Variants in LARP1B observed in about 807,000 individuals in gnomAD.
LARP1B encodes the protein la-related protein 1B.
A neutral mutation model predicts 114.2 loss-of-function variants in LARP1B; 76 were observed. That is an observed-to-expected ratio of 0.67 (90% CI 0.55 to 0.81). The LOEUF (loss-of-function observed/expected upper bound fraction) is 0.81, where lower values mean the gene tolerates loss of function less well. LARP1B is among the 30% of genes least tolerant of loss of function. The pLI is 0.00. For synonymous variants in LARP1B, 345 were observed against 348.0 expected (o/e 0.99, Z 0.10); for missense variants, 1,014 against 1,075.8 (o/e 0.94, Z 0.80).
chr4:128,167,058 A>G (rs1015257408), intron 12 of LARP1B, among the ~76,000 whole-genome samples: 2 of 150,950 alleles, frequency 1.3e-5, no homozygotes, highest in Admixed American at 1.3e-4. Context: ...ACACACACAC[A>G]CATATACACA....
At chr4:128,135,712 TA>T (rs1793147729) in intron 11 of LARP1B, among the ~76,000 whole-genome samples, 1 of 152,156 alleles carries the variant, frequency 6.6e-6, no homozygotes, top group Non-Finnish European at 1.5e-5. Flanking sequence ...GATAGCTAAC[TA>T]AAGTGGTGAA....
intron 1 of LARP1B, among the ~76,000 whole-genome samples, chr4:128,074,235 C>T (rs906833602): frequency 3.3e-5 from 5 of 152,122 alleles, no homozygotes; most frequent in East Asian, 1.9e-4. Context: ...CCACCCCGCC[C>T]GGCAACACTG....
At chr4:128,221,439 T>G (rs914290628) in intron 7 of LARP1B, among the ~76,000 whole-genome samples, 1 of 152,336 alleles carries the variant, frequency 6.6e-6, no homozygotes, top group African/African-American at 2.4e-5. Context: ...TTCTTTACAA[T>G]AAGCCTGTTT....
At chr4:128,094,352 T>C (rs1282419061) in intron 7 of LARP1B, among the ~76,000 whole-genome samples, 1 of 151,962 alleles carries the variant, frequency 6.6e-6, no homozygotes, top group African/African-American at 2.4e-5. Context: ...AGCACTCTGA[T>C]AGATTTGTAG....
chr4:128,074,297 G>A (rs1455988973), intron 1 of LARP1B, among the ~76,000 whole-genome samples, 163 bp from the exon 2 acceptor site: 1 of 152,136 alleles, frequency 6.6e-6, no homozygotes, highest in African/African-American at 2.4e-5. Flanking sequence ...TTGAATCTAT[G>A]TGTCAAATGG....
At chr4:128,095,722 G>A (rs561438661) in intron 7 of LARP1B, among the ~76,000 whole-genome samples, 2 of 151,868 alleles carry the variant, frequency 1.3e-5, no homozygotes, top group Admixed American at 1.3e-4. Context: ...TTTTTTCAAA[G>A]ATAGAATTTG....
chr4:128,182,111 CTT>C (rs35344280), intron 15 of LARP1B, among the ~76,000 whole-genome samples: 8 of 113,184 alleles, frequency 7.1e-5, no homozygotes, highest in African/African-American at 1.0e-4. Context: ...TGCACCCGGC[CTT>C]TTTTTTTTTT....
At chr4:128,173,683 G>GT (rs776809365) in intron 12 of LARP1B, among the ~76,000 whole-genome samples, 1 of 152,196 alleles carries the variant, frequency 6.6e-6, no homozygotes, top group Non-Finnish European at 1.5e-5. Context: ...AAAGGACTCT[G>GT]TATCAACTTT....
At chr4:128,188,677 A>G (rs1415698256) in intron 15 of LARP1B, among the ~76,000 whole-genome samples, 1 of 152,182 alleles carries the variant, frequency 6.6e-6, no homozygotes, top group African/African-American at 2.4e-5. Flanking sequence ...TGTATCTCAT[A>G]GGTTTTGGAA....
chr4:128,089,536 A>G (rs920272550), intron 5 of LARP1B, among the ~76,000 whole-genome samples: 1 of 151,992 alleles, frequency 6.6e-6, no homozygotes, highest in Non-Finnish European at 1.5e-5. Context: ...GGGTTTTGCC[A>G]TGTCGGCCAG....
chr4:128,101,564 T>G (rs1015608067), intron 8 of LARP1B, among the ~76,000 whole-genome samples: 15 of 151,686 alleles, frequency 9.9e-5, no homozygotes, highest in Non-Finnish European at 1.8e-4. Context: ...AAAATTAGTT[T>G]TTTTTTTTTT....
chr4:128,061,074 G>T (rs893130943), upstream of LARP1B, among the ~76,000 whole-genome samples: 6 of 152,152 alleles, frequency 3.9e-5, no homozygotes, highest in Non-Finnish European at 8.8e-5. Flanking sequence ...GCCTGCAGTC[G>T]GGGCGGCCTC....
At chr4:128,089,106 G>A (rs1248946991) in intron 5 of LARP1B, among the ~76,000 whole-genome samples, 4 of 151,978 alleles carry the variant, frequency 2.6e-5, no homozygotes, top group African/African-American at 9.7e-5. Flanking sequence ...TTTGTTACTG[G>A]TTGTCACAAC....
chr4:128,145,033 A>G (rs1368945530), intron 11 of LARP1B, among the ~76,000 whole-genome samples: 2 of 152,174 alleles, frequency 1.3e-5, no homozygotes, highest in Admixed American at 6.6e-5. Context: ...ACTGTTCATT[A>G]TACATATGCT....
rs1785201352 is a variant in LARP1B at position 128,114,706 on chromosome 4, T to C, written c.1125T>C (p.Val375=). 1 of 1,613,900 alleles carries C rather than the reference T, an allele frequency of 6.2e-7. No homozygotes were observed. ...TGGACTCAGAACCTTGGATAGAAGT[T>C]AAAAAAAGACATCAGCCAGCCCCAG... ...PDLDSEPWIE[V]KKRHQPAPVK... Residue 375 remains valine, a synonymous_variant, in exon 10 of 20, where the codon GTT becomes GTC. Coordinates refer to ENST00000326639, the MANE Select transcript of LARP1B (RefSeq NM_018078.4).
intron 13 of LARP1B, among the ~76,000 whole-genome samples, chr4:128,177,262 A>G (rs1746634865): frequency 6.6e-6 from 1 of 152,230 alleles, no homozygotes; most frequent in African/African-American, 2.4e-5. Context: ...GGAAATGGCA[A>G]ATGTGTAAGT....
chr4:128,151,974 T>TA, intron 11 of LARP1B, among the ~76,000 whole-genome samples: 1 of 152,272 alleles, frequency 6.6e-6, no homozygotes. Flanking sequence ...TCCAGAGACA[T>TA]GTGATGTCAG....
intron 11 of LARP1B, among the ~76,000 whole-genome samples, chr4:128,146,379 A>G (rs1343790681): frequency 1.3e-5 from 2 of 152,372 alleles, no homozygotes; most frequent in South Asian, 2.1e-4. Flanking sequence ...TGTTGAAACC[A>G]TGTGATGTGT....
chr4:128,075,480 T>C (rs1767449345), intron 3 of LARP1B, among the ~76,000 whole-genome samples: 1 of 152,210 alleles, frequency 6.6e-6, no homozygotes, highest in African/African-American at 2.4e-5. Flanking sequence ...ACATTGGTAA[T>C]GAACTTGTTG....
Sources: allele counts gnomAD v4.1 joint callset (sites outside exome capture counted in the v4.1 genomes callset), GRCh38; gene constraint gnomAD v4.1.1; transcripts MANE v1.5; gene names NCBI Gene and HGNC (gene_info 2026-07-23, HGNC 2026-07-21).